Variants in EXOC2 observed in about 807,000 individuals in gnomAD.
EXOC2 encodes the protein exocyst complex component 2.
Under a neutral mutation model 131.8 loss-of-function variants are expected in EXOC2, and 70 were observed. That is an observed-to-expected ratio of 0.53 (90% CI 0.44 to 0.65). The LOEUF (loss-of-function observed/expected upper bound fraction) is 0.65. Ranked by LOEUF, EXOC2 falls within the 30% of genes least tolerant of loss-of-function variation. EXOC2 has a pLI of 0.00. For synonymous variants in EXOC2, 411 were observed against 398.4 expected (o/e 1.03, Z -0.38); for missense variants, 923 against 1,108.6 (o/e 0.83, Z 2.38).
intron 23 of EXOC2, among the ~76,000 whole-genome samples, chr6:502,929 G>A (rs1350529098): frequency 6.6e-6 from 1 of 152,180 alleles, no homozygotes; most frequent in Middle Eastern, 3.2e-3. Flanking sequence ...GACAGGAAGT[G>A]GTACCGCTAG....
At chr6:499,832 T>C (rs1277904243) in intron 23 of EXOC2, 132 bp from the exon 24 acceptor site, 1 of 666,168 alleles carries the variant, frequency 1.5e-6, no homozygotes, top group African/African-American at 1.8e-5. Flanking sequence ...ACTATTTCCT[T>C]TTGAGAATCA....
At chr6:516,716 G>T (rs1765184008) in intron 23 of EXOC2, among the ~76,000 whole-genome samples, 1 of 152,228 alleles carries the variant, frequency 6.6e-6, no homozygotes, top group Non-Finnish European at 1.5e-5. Flanking sequence ...CACTATCTGT[G>T]TACCACAGGG....
At chr6:533,579 C>T (rs1766236656) in intron 22 of EXOC2, among the ~76,000 whole-genome samples, 1 of 152,178 alleles carries the variant, frequency 6.6e-6, no homozygotes, top group African/African-American at 2.4e-5. Flanking sequence ...GTCCTTGGCA[C>T]AGTTCAGCTG....
intron 17 of EXOC2, among the ~76,000 whole-genome samples, chr6:562,281 T>A (rs1255145526): frequency 6.6e-6 from 1 of 151,614 alleles, no homozygotes; most frequent in Non-Finnish European, 1.5e-5. Context: ...GAGACAAGTG[T>A]GAAAACCCGT....
chr6:572,069 G>A (rs373109440), intron 13 of EXOC2, among the ~76,000 whole-genome samples: 3 of 152,332 alleles, frequency 2.0e-5, no homozygotes, highest in East Asian at 3.9e-4. Context: ...ACTGCAGAAT[G>A]TTTACATCCT....
At chr6:568,554 G>C (rs9378418) in intron 13 of EXOC2, among the ~76,000 whole-genome samples, 14,865 of 152,194 alleles carry the variant, frequency 0.098, 969 homozygotes, top group African/African-American at 0.19. Flanking sequence ...TGTGAGTGCA[G>C]GGATAGGCAT....
At chr6:656,816 G>A (rs2127750342) in intron 1 of EXOC2, 3 of 1,609,262 alleles carry the variant, frequency 1.9e-6, no homozygotes, top group Non-Finnish European at 8.5e-7. Context: ...CGGAACCCGC[G>A]GGGCCGAAGC....
At chr6:661,451 C>A (rs1763421123) in intron 1 of EXOC2, among the ~76,000 whole-genome samples, 1 of 152,178 alleles carries the variant, frequency 6.6e-6, no homozygotes, top group South Asian at 2.1e-4. Context: ...GATTTCTCAG[C>A]AGAAACCCTA....
Position 499,651 on chromosome 6 carries a change from A to G in EXOC2, c.2430T>C (p.His810=). Residue 810 remains histidine (H), a synonymous_variant, in exon 24 of 28, where the codon CAT becomes CAC. Coordinates refer to ENST00000230449, the MANE Select transcript of EXOC2 (RefSeq NM_018303.6). The part of the protein sequence containing the change: ...KEALVNIIAV[H]AEVFTISKEL... ...ACATCTAATGATACTTTACCTCTGC[A>G]TGCACGGCAATTATATTCACCAGTG... 1 of 1,613,564 alleles carries G rather than the reference A, an allele frequency of 6.2e-7. No homozygotes were observed. Among genetic ancestry groups the G allele is most frequent in the Non-Finnish European group, 8.5e-7 (1 of 1,179,568 alleles).
chr6:638,574 T>C (rs1278337992), intron 1 of EXOC2, among the ~76,000 whole-genome samples: 2 of 152,234 alleles, frequency 1.3e-5, no homozygotes, highest in Non-Finnish European at 2.9e-5. Flanking sequence ...ATAAGGTTAT[T>C]GTAAAGAACA....
intron 11 of EXOC2, among the ~76,000 whole-genome samples, chr6:585,187 A>T (rs1759136146): frequency 6.6e-6 from 1 of 152,236 alleles, no homozygotes; most frequent in Admixed American, 6.5e-5. Context: ...AAACTCTTCC[A>T]TCAGTATTTA....
At chr6:654,617 T>C (rs1195415239) in intron 1 of EXOC2, among the ~76,000 whole-genome samples, 4 of 150,832 alleles carry the variant, frequency 2.7e-5, no homozygotes, top group Admixed American at 6.6e-5. Context: ...CTGGTCAACA[T>C]AGTGAGACTC....
chr6:674,898 G>A (rs976497328), intron 1 of EXOC2, among the ~76,000 whole-genome samples: 4 of 151,970 alleles, frequency 2.6e-5, no homozygotes, highest in African/African-American at 9.7e-5. Flanking sequence ...ACTGCCCCCA[G>A]CCCTACATAC....
intron 22 of EXOC2, among the ~76,000 whole-genome samples, chr6:542,365 G>A (rs995911465): frequency 6.6e-6 from 1 of 152,208 alleles, no homozygotes; most frequent in African/African-American, 2.4e-5. Context: ...TGTGTGACAT[G>A]CTGTTCTAGT....
At chr6:562,550 G>GT (rs1437787607) in intron 17 of EXOC2, among the ~76,000 whole-genome samples, 1 of 152,182 alleles carries the variant, frequency 6.6e-6, no homozygotes, top group African/African-American at 2.4e-5. Flanking sequence ...AACAAAAATC[G>GT]TAAGTTATAC....
chr6:502,301 C>G (rs1462830644), intron 23 of EXOC2, among the ~76,000 whole-genome samples: 1 of 152,198 alleles, frequency 6.6e-6, no homozygotes, highest in Non-Finnish European at 1.5e-5. Flanking sequence ...ATTTGGGGCT[C>G]TAACGATGTG....
At position 560,600 on chromosome 6, in the gene EXOC2, C is replaced by T. The variant is rs1237348533; in HGVS notation, c.1851+2184G>A. ...GCCTTTTGTGCAGGTGGTGCAGGTC[C>T]ATACCTTTCTCTAAAGATTTAGTGT... On this transcript the variant is annotated intron_variant, in intron 17 of 27. Coordinates refer to ENST00000230449, the MANE Select transcript of EXOC2 (RefSeq NM_018303.6). Among the ~76,000 whole-genome samples the T allele has an allele frequency of 2.0e-5, 3 of 152,268 alleles. No homozygotes were observed. In the South Asian group the frequency reaches 6.2e-4, roughly 32 times the overall value.
At chr6:660,075 G>A (rs1355941592) in intron 1 of EXOC2, among the ~76,000 whole-genome samples, 1 of 151,914 alleles carries the variant, frequency 6.6e-6, no homozygotes, top group Non-Finnish European at 1.5e-5. Flanking sequence ...GCCTGTGACT[G>A]CAGACTTTCC....
At chr6:638,591 A>G (rs1476394131) in intron 1 of EXOC2, among the ~76,000 whole-genome samples, 1 of 152,242 alleles carries the variant, frequency 6.6e-6, no homozygotes, top group African/African-American at 2.4e-5. Context: ...AACATACAGG[A>G]TAATCCTTGG....
Sources: gnomAD v4.1 joint callset for allele counts (sites outside exome capture counted in the v4.1 genomes callset) on GRCh38, gnomAD v4.1.1 for gene constraint, MANE v1.5 for transcripts, NCBI Gene and HGNC (gene_info 2026-07-23, HGNC 2026-07-21) for gene names.